The following IL1RAPL1 variants were observed in gnomAD, a reference collection of about 807,000 sequenced individuals.
IL1RAPL1 encodes interleukin-1 receptor accessory protein-like 1.
Under a neutral mutation model 48.4 loss-of-function variants are expected in IL1RAPL1, and 3 were observed. That is an observed-to-expected ratio of 0.06 (90% CI 0.03 to 0.16). The LOEUF is 0.16. Among genes scored for constraint, IL1RAPL1 ranks in the 10% least tolerant of loss-of-function variants. The pLI, the probability that IL1RAPL1 is intolerant of heterozygous loss-of-function variation, is 1.00. For synonymous variants in IL1RAPL1, 185 were observed against 187.7 expected (o/e 0.99, Z 0.12); for missense variants, 349 against 530.6 (o/e 0.66, Z 3.36).
intron 2 of IL1RAPL1, among the ~76,000 whole-genome samples, chrX:28,996,093 A>G (rs772090936): frequency 1.8e-5 from 2 of 111,536 alleles, no homozygotes; most frequent in Non-Finnish European, 1.9e-5. Flanking sequence ...ATTAGCAGAC[A>G]GTCTTCATTT....
intron 1 of IL1RAPL1, among the ~76,000 whole-genome samples, chrX:28,760,915 A>T (rs6630751): frequency 1.9e-5 from 2 of 107,560 alleles, no homozygotes; most frequent in African/African-American, 3.4e-5. Context: ...GTGAAACCCC[A>T]TCTCTACTAA....
intron 2 of IL1RAPL1, among the ~76,000 whole-genome samples, chrX:29,251,878 A>G (rs1931625805): frequency 9.0e-6 from 1 of 111,473 alleles, no homozygotes. Flanking sequence ...TAGAAAATCA[A>G]TGATAGACTG....
intron 1 of IL1RAPL1, among the ~76,000 whole-genome samples, chrX:28,617,701 G>A (rs1282290142): frequency 8.9e-6 from 1 of 112,194 alleles, no homozygotes; most frequent in East Asian, 2.8e-4. Flanking sequence ...ATGATTATAG[G>A]CACAGCCTTT....
intron 6 of IL1RAPL1, among the ~76,000 whole-genome samples, chrX:29,699,744 A>G (rs1456732873): frequency 8.9e-6 from 1 of 112,136 alleles, no homozygotes; most frequent in Non-Finnish European, 1.9e-5. Flanking sequence ...AGTAGATTAA[A>G]TGTTATTGAT....
At chrX:29,240,510 C>T (rs1339476134) in intron 2 of IL1RAPL1, among the ~76,000 whole-genome samples, 1 of 109,029 alleles carries the variant, frequency 9.2e-6, no homozygotes, top group Non-Finnish European at 1.9e-5. Context: ...GCTGGGATTA[C>T]AGGCGTGAGC....
chrX:29,529,320 A>T (rs1292642822), intron 5 of IL1RAPL1, among the ~76,000 whole-genome samples: 1 of 111,523 alleles, frequency 9.0e-6, no homozygotes, highest in Non-Finnish European at 1.9e-5. Context: ...TGGGCCGGGT[A>T]CAATGGCTCA....
At chrX:29,121,100 G>T (rs968154862) in intron 2 of IL1RAPL1, among the ~76,000 whole-genome samples, 1 of 111,686 alleles carries the variant, frequency 9.0e-6, no homozygotes, top group African/African-American at 3.3e-5. Context: ...ACTCGATAAA[G>T]AACATCTACA....
intron 5 of IL1RAPL1, among the ~76,000 whole-genome samples, chrX:29,630,757 C>G (rs1026885353): frequency 9.0e-6 from 1 of 111,726 alleles, no homozygotes; most frequent in African/African-American, 3.2e-5. Flanking sequence ...CCAGGATGGC[C>G]TCGATCTCCT....
In IL1RAPL1 at chrX:29,210,326, T is replaced by C. The variant is rs564125332; in HGVS notation, c.83-72612T>C. On this transcript the variant is annotated intron_variant, in intron 2 of 10. Coordinates refer to ENST00000378993, the MANE Select transcript of IL1RAPL1 (RefSeq NM_014271.4). ...GGATTTACTGTTATATTTTGGGAAG[T>C]TGGCATAATATAAATCGTGACGCTC... 9.8e-5 allele frequency among the ~76,000 whole-genome samples: 11 copies of C among 111,895 alleles called. No individual in the cohort carries two copies. The South Asian group carries it at 2.6e-3, about 26-fold the overall frequency.
At chrX:29,117,175 A>T (rs1446041553) in intron 2 of IL1RAPL1, among the ~76,000 whole-genome samples, 1 of 111,783 alleles carries the variant, frequency 8.9e-6, no homozygotes, top group Non-Finnish European at 1.9e-5. Context: ...ATGGAAATGA[A>T]TCCTGTGCCA....
intron 2 of IL1RAPL1, among the ~76,000 whole-genome samples, chrX:29,195,861 T>A: frequency 8.9e-6 from 1 of 111,771 alleles, no homozygotes; most frequent in South Asian, 3.7e-4. Context: ...GCACCCGGCC[T>A]ATCTAACTTC....
At chrX:28,594,778 C>T (rs1004937910) in intron 1 of IL1RAPL1, among the ~76,000 whole-genome samples, 5 of 112,368 alleles carry the variant, frequency 4.4e-5, no homozygotes, top group African/African-American at 1.6e-4. Flanking sequence ...CACTCAGAAT[C>T]TGTGGACTTT....
chrX:28,723,162 G>A (rs1935612322), intron 1 of IL1RAPL1, among the ~76,000 whole-genome samples: 1 of 111,378 alleles, frequency 9.0e-6, no homozygotes, highest in East Asian at 2.8e-4. Flanking sequence ...AGTTTCAGAA[G>A]GTATGGTTCC....
chrX:29,159,146 A>T (rs995338554), intron 2 of IL1RAPL1, among the ~76,000 whole-genome samples: 1 of 109,530 alleles, frequency 9.1e-6, no homozygotes, highest in Admixed American at 1.0e-4. Flanking sequence ...AGATTTATAT[A>T]AATAATATTT....
intron 5 of IL1RAPL1, among the ~76,000 whole-genome samples, chrX:29,452,381 T>C (rs1007300634): frequency 8.1e-5 from 9 of 111,783 alleles, no homozygotes; most frequent in African/African-American, 2.9e-4. Context: ...ATGTAATATA[T>C]GGCAGCAGGT....
At position 28,972,409 on chromosome X, in the gene IL1RAPL1, A is replaced by C. The variant is rs111516067; in HGVS notation, c.82+182984A>C. Among the ~76,000 whole-genome samples, 431 of 112,110 alleles carry C rather than the reference A, an allele frequency of 3.8e-3. 2 individuals are homozygous for C. The highest frequency in any genetic ancestry group is 0.013 in the African/African-American group (415 of 30,816). ...AAAGATTAAAGATCTTTCCAAGTTC[A>C]AGGAGCTGGTGTAAGAGACGGAACT... On this transcript the variant is annotated intron_variant, in intron 2 of 10. Coordinates refer to ENST00000378993, the MANE Select transcript of IL1RAPL1 (RefSeq NM_014271.4).
chrX:29,313,237 A>G (rs1932751420), intron 3 of IL1RAPL1, among the ~76,000 whole-genome samples: 1 of 101,838 alleles, frequency 9.8e-6, no homozygotes, highest in East Asian at 3.0e-4. Flanking sequence ...CCTCAATAAA[A>G]CACAGACATA....
chrX:29,920,143 A>G, intron 8 of IL1RAPL1, 49 bp downstream of exon 8: 1 of 1,186,351 alleles, frequency 8.4e-7, no homozygotes, highest in South Asian at 1.8e-5. Flanking sequence ...GTATGATGGG[A>G]GAAAAAATCA....
intron 3 of IL1RAPL1, among the ~76,000 whole-genome samples, chrX:29,388,685 C>A (rs932027007): frequency 8.9e-6 from 1 of 111,884 alleles, no homozygotes; most frequent in African/African-American, 3.3e-5. Context: ...ATACAAAAGG[C>A]TACATTTATA....
Sources: gnomAD v4.1 joint callset for allele counts (sites outside exome capture counted in the v4.1 genomes callset) on GRCh38, gnomAD v4.1.1 for gene constraint, MANE v1.5 for transcripts, NCBI Gene and HGNC (gene_info 2026-07-23, HGNC 2026-07-21) for gene names.